Variants in KLHDC2 observed in about 807,000 individuals in gnomAD.
The protein encoded by KLHDC2 is kelch domain-containing protein 2.
In KLHDC2, 38 loss-of-function variants were observed where a neutral mutation model predicts 62.3. That is an observed-to-expected ratio of 0.61 (90% confidence interval 0.47 to 0.80). KLHDC2 has a LOEUF of 0.80. Ranked by LOEUF, KLHDC2 falls within the 30% of genes least tolerant of loss-of-function variation. The pLI is 0.00. For missense variants in KLHDC2, 430 were observed against 495.3 expected, an observed-to-expected ratio of 0.87 and a Z score of 1.25; for synonymous variants, 159 against 161.0, an observed-to-expected ratio of 0.99 and a Z score of 0.09.
rs1380146005 is a variant in KLHDC2, at chr14:49,780,187, T to G, written c.774-26T>G. ...TACAGTAGCTGCTTCTAAATGCAGA[T>G]ATTGTAACTTAGCTATTATTTTCAG... On this transcript the variant is annotated intron_variant, in intron 8 of 12. Transcript: ENST00000298307. 3.0e-6 allele frequency: 4 copies of G among 1,342,612 alleles called. No homozygotes were observed. The Admixed American group carries it at 6.8e-5, about 23-fold the overall frequency. The allele number at this position is 1,342,612 out of a possible 1,614,324, so 83.2% of individuals were successfully genotyped here. A position where few individuals can be genotyped will look rare whatever the true frequency, so the allele number is the denominator to read the frequency against.
intron 9 of KLHDC2, 181 bp from the exon 10 acceptor site, chr14:49,780,522 C>A (rs994434022): frequency 6.2e-6 from 4 of 640,770 alleles, no homozygotes; most frequent in South Asian, 5.7e-5. Context: ...CACTTAAGAG[C>A]CCTGCTGAAG....
At chr14:49,782,652 G>A in intron 12 of KLHDC2, 58 bp downstream of exon 12, 1 of 1,445,320 alleles carries the variant, frequency 6.9e-7, no homozygotes, top group Non-Finnish European at 9.5e-7. Context: ...CTAAGACTTA[G>A]CACTCTCGAA....
chr14:49,777,767 T>C (rs971910492), intron 3 of KLHDC2, 72 bp from the exon 4 acceptor site: 32 of 805,722 alleles, frequency 4.0e-5, no homozygotes, highest in Admixed American at 1.3e-4. Flanking sequence ...TCATAAATCA[T>C]AGTAAAATTA....
At chr14:49,779,132 A>G (rs539761062) in intron 6 of KLHDC2, among the ~76,000 whole-genome samples, 17 of 152,314 alleles carry the variant, frequency 1.1e-4, no homozygotes, top group Non-Finnish European at 2.2e-4. Flanking sequence ...TCCAATGAGC[A>G]TTTCCTTTCA....
rs1256864596 is a variant in KLHDC2, at chr14:49,785,376, T to C, written c.*2423T>C. ...AATTTATACCGCCCTTTACAAAAAA[T>C]GCTAAAACACTTGAATTAGTATCTC... On this transcript the variant is annotated 3_prime_UTR_variant, in exon 13 of 13. Transcript: ENST00000298307. 2 of 1,169,778 alleles carry C rather than the reference T, an allele frequency of 1.7e-6. No homozygotes were observed. The highest frequency in any genetic ancestry group is 2.6e-6 in the Non-Finnish European group (2 of 776,560). 72.5% of individuals were successfully genotyped at this position (1,169,778 alleles called of 1,614,324 possible). A position where few individuals can be genotyped will look rare whatever the true frequency, so the allele number is the denominator to read the frequency against.
intron 8 of KLHDC2, 165 bp from the exon 9 acceptor site, chr14:49,780,048 G>A (rs773845749): frequency 3.5e-5 from 22 of 621,368 alleles, no homozygotes; most frequent in South Asian, 2.7e-4. Context: ...TGATTCTAAC[G>A]TCAAAGAAAA....
At chr14:49,771,562 G>C (rs1303218175) in intron 1 of KLHDC2, 32 bp from the exon 2 acceptor site, 3 of 975,384 alleles carry the variant, frequency 3.1e-6, no homozygotes, top group Non-Finnish European at 3.3e-6. Context: ...TAAAATACCA[G>C]TTTTTATATT....
rs1054553069 is a variant in KLHDC2, at chr14:49,785,777, C to T, written c.*2824C>T. ...GTGGGTGCCTGTAGTCCCAGCTACT[C>T]GGAAGACTGAGGGGGGGAGGATCAC... On this transcript the variant is annotated 3_prime_UTR_variant, in exon 13 of 13. Transcript: ENST00000298307. 1 of 163,272 alleles carries T rather than the reference C, an allele frequency of 6.1e-6. No homozygotes were observed. The highest frequency in any genetic ancestry group is 2.4e-5 in the African/African-American group (1 of 40,860). 10.1% of individuals were successfully genotyped at this position (163,272 alleles called of 1,614,324 possible).
At position 49,784,522 on chromosome 14, in the gene KLHDC2, A is replaced by C; in HGVS notation, c.*1569A>C. ...GTCCTTTTGGTGAATATAGCAAGGCAATGTTTAGTTCATTTTTATAATGCG... is the reference window on the plus strand; with the variant it reads ...GTCCTTTTGGTGAATATAGCAAGGCCATGTTTAGTTCATTTTTATAATGCG... On this transcript the variant is annotated 3_prime_UTR_variant, in exon 13 of 13. Transcript: ENST00000298307. 1 of 709,270 alleles carries C rather than the reference A, an allele frequency of 1.4e-6. No individual in the cohort carries two copies. The highest frequency in any genetic ancestry group is 2.4e-6 in the Non-Finnish European group (1 of 417,694). 43.9% of individuals were successfully genotyped at this position (709,270 alleles called of 1,614,324 possible). A position where few individuals can be genotyped will look rare whatever the true frequency, so the allele number is the denominator to read the frequency against.
rs1241461482 is a variant in KLHDC2 at position 49,784,932 on chromosome 14, C to T, written c.*1979C>T. The T allele has an allele frequency of 6.2e-7, 1 of 1,613,312 alleles. No homozygotes were observed. Among genetic ancestry groups the T allele is most frequent in the South Asian group, 1.1e-5 (1 of 91,026 alleles). On this transcript the variant is annotated 3_prime_UTR_variant, in exon 13 of 13. Transcript: ENST00000298307. ...TCTGAAGGAGAACTTTACCTTTACG[C>T]TGCGGAATAAGTCTTTTTCTCTTGC...
Position 49,783,214 on chromosome 14 carries a change from G to GC in KLHDC2, c.*261_*262insC. On this transcript the variant is annotated 3_prime_UTR_variant, in exon 13 of 13. Transcript: ENST00000298307. ...GAATGGTTGCTACATTTTCTTTTCA[G>GC]TAACTTCAGGATATGTATCTGTAGA... 3.5e-6 allele frequency: 1 copy of GC among 288,884 alleles called. No homozygotes were observed. The highest frequency in any genetic ancestry group is 6.4e-6 in the Non-Finnish European group (1 of 157,392). The allele number at this position is 288,884 out of a possible 1,614,324, so 17.9% of individuals were successfully genotyped here.
chr14:49,784,813 T>G lies in KLHDC2; in HGVS notation c.*1860T>G. The G allele has an allele frequency of 7.2e-7, 1 of 1,389,112 alleles. No individual in the cohort carries two copies. The highest frequency in any genetic ancestry group is 1.0e-6 in the Non-Finnish European group (1 of 989,578). 86.0% of individuals were successfully genotyped at this position (1,389,112 alleles called of 1,614,324 possible). On this transcript the variant is annotated 3_prime_UTR_variant, in exon 13 of 13. Transcript: ENST00000298307. ...AACATTTCCAAACTTTTAGCTGAGATGGTTTTACTGCTTCTAATAAGACAG... is the reference window on the plus strand; with the variant it reads ...AACATTTCCAAACTTTTAGCTGAGAGGGTTTTACTGCTTCTAATAAGACAG...
In KLHDC2 at chr14:49,778,486, A is replaced by G. The variant is rs1488251443; in HGVS notation, c.625A>G (p.Ile209Val). Residue 209 changes from isoleucine to valine, a missense_variant, in exon 6 of 13, where the codon ATA becomes GTA. Ile to Val is a conservative substitution (Grantham distance 29). Coordinates refer to ENST00000298307, the MANE Select transcript of KLHDC2 (RefSeq NM_014315.3). ...DTETFTWSQP[I>V]TTGKAPSPRA... The stretch of plus-strand genomic sequence containing the variant: ...TGAAACATTTACCTGGAGCCAGCCT[A>G]TAACTACTGTGAGTTACTAAAGAAT... 5 of 1,544,882 alleles carry G rather than the reference A, an allele frequency of 3.2e-6. No individual in the cohort carries two copies. Among genetic ancestry groups the G allele is most frequent in the South Asian group, 2.2e-5 (2 of 88,994 alleles).
Position 49,768,411 on chromosome 14 carries a change from G to GT in KLHDC2, c.-51dup, listed in dbSNP as rs1282114311. 24 of 1,567,104 alleles carry GT rather than the reference G, an allele frequency of 1.5e-5. No individual in the cohort carries two copies. Among genetic ancestry groups the GT allele is most frequent in the Admixed American group, 1.9e-5 (1 of 53,618 alleles). On this transcript the variant is annotated 5_prime_UTR_variant, in exon 1 of 13. Coordinates refer to ENST00000298307, the MANE Select transcript of KLHDC2 (RefSeq NM_014315.3). ...CTGTGCATTTCTCTCCTTTTCCTTT[G>GT]TTTTTTTGGCCCCTCGCGGGTGTGG...
chr14:49,784,521 C>T lies in KLHDC2; in HGVS notation c.*1568C>T, dbSNP rs1158996007. The T allele has an allele frequency of 1.4e-6, 1 of 701,378 alleles. No individual in the cohort carries two copies. The highest frequency in any genetic ancestry group is 2.4e-6 in the Non-Finnish European group (1 of 412,238). The allele number at this position is 701,378 out of a possible 1,614,324, so 43.4% of individuals were successfully genotyped here. A position where few individuals can be genotyped will look rare whatever the true frequency, so the allele number is the denominator to read the frequency against. On this transcript the variant is annotated 3_prime_UTR_variant, in exon 13 of 13. Transcript: ENST00000298307. ...AGTCCTTTTGGTGAATATAGCAAGGCAATGTTTAGTTCATTTTTATAATGC... is the reference window on the plus strand; with the variant it reads ...AGTCCTTTTGGTGAATATAGCAAGGTAATGTTTAGTTCATTTTTATAATGC...
At chr14:49,769,077 C>G (rs897850346) in intron 1 of KLHDC2, 13 of 155,440 alleles carry the variant, frequency 8.4e-5, no homozygotes, top group African/African-American at 2.6e-4. Context: ...TGTAGGAAAA[C>G]TGGAATTCCA....
chr14:49,771,462 G>C, intron 1 of KLHDC2, 132 bp from the exon 2 acceptor site: 1 of 543,152 alleles, frequency 1.8e-6, no homozygotes, highest in Non-Finnish European at 3.3e-6. Flanking sequence ...GCATGGGTGG[G>C]GGAGGATTGT....
chr14:49,768,177 C>T lies in KLHDC2; in HGVS notation c.-292C>T. 1 of 245,926 alleles carries T rather than the reference C, an allele frequency of 4.1e-6. No individual in the cohort carries two copies. 15.2% of individuals were successfully genotyped at this position (245,926 alleles called of 1,614,324 possible). A position where few individuals can be genotyped will look rare whatever the true frequency, so the allele number is the denominator to read the frequency against. On this transcript the variant is annotated 5_prime_UTR_variant, in exon 1 of 13. Coordinates refer to ENST00000298307, the MANE Select transcript of KLHDC2 (RefSeq NM_014315.3). ...CAGACGGGCTGCAATAGGGAGCCGG[C>T]CCGACGCGGACCGCTTCCCTGCAGT...
chr14:49,770,720 A>G (rs961996083), intron 1 of KLHDC2, among the ~76,000 whole-genome samples: 5 of 152,242 alleles, frequency 3.3e-5, no homozygotes. Context: ...AGGATTAAAT[A>G]AAGCAATCCA....
Sources: gnomAD v4.1 joint callset for allele counts (sites outside exome capture counted in the v4.1 genomes callset) on GRCh38, gnomAD v4.1.1 for gene constraint, MANE v1.5 for transcripts, NCBI Gene and HGNC (gene_info 2026-07-23, HGNC 2026-07-21) for gene names.